WWOX: variants seen among roughly 807,000 people sequenced by gnomAD.
WWOX encodes the protein WW domain-containing oxidoreductase.
In WWOX, 69 loss-of-function variants were observed where a neutral mutation model predicts 46.2. The ratio of observed to expected loss-of-function variants is 1.49; its 90% CI spans 1.23 to 1.82. The LOEUF is 1.82. Among genes scored for constraint, WWOX ranks in the 40% most tolerant of loss-of-function variants. The probability of loss-of-function intolerance (pLI) is 0.00; values close to 1 mark genes in which losing one functional copy is unlikely to be tolerated. For missense variants in WWOX, 919 were observed against 542.6 expected (o/e 1.69, Z -6.89); for synonymous variants, 359 against 202.6 (o/e 1.77, Z -6.56).
At chr16:78,990,915 G>C (rs1273717727) in intron 8 of WWOX, among the ~76,000 whole-genome samples, 1 of 152,232 alleles carries the variant, frequency 6.6e-6, no homozygotes, top group Non-Finnish European at 1.5e-5. Context: ...TCCCTTAAGA[G>C]AGAGGTGTCA....
At chr16:78,596,672 A>G (rs1046304333) in intron 8 of WWOX, among the ~76,000 whole-genome samples, 1 of 152,168 alleles carries the variant, frequency 6.6e-6, no homozygotes. Context: ...GTGTCATTGG[A>G]AGCCAGCAGG....
intron 8 of WWOX, among the ~76,000 whole-genome samples, chr16:79,154,065 C>G (rs755256673): frequency 6.6e-6 from 1 of 152,180 alleles, no homozygotes; most frequent in Non-Finnish European, 1.5e-5. Context: ...CCTTTGGCCT[C>G]CATTCTAACA....
chr16:79,191,716 C>A (rs955458746), intron 8 of WWOX, among the ~76,000 whole-genome samples: 13 of 152,194 alleles, frequency 8.5e-5, no homozygotes, highest in African/African-American at 3.1e-4. Flanking sequence ...CTACCCCAAC[C>A]TGGCAAATGT....
At chr16:78,434,568 C>T (rs762981120) in intron 8 of WWOX, among the ~76,000 whole-genome samples, 2 of 152,158 alleles carry the variant, frequency 1.3e-5, no homozygotes, top group South Asian at 2.1e-4. Context: ...CAGTGCCTTC[C>T]GCTTTAACAA....
chr16:79,119,435 T>C (rs1200740105), intron 8 of WWOX, among the ~76,000 whole-genome samples: 11 of 152,216 alleles, frequency 7.2e-5, no homozygotes, highest in Admixed American at 2.0e-4. Flanking sequence ...AGAGATTGTG[T>C]CCTCCCTCAA....
At chr16:79,126,753 C>T (rs771333274) in intron 8 of WWOX, among the ~76,000 whole-genome samples, 1 of 152,148 alleles carries the variant, frequency 6.6e-6, no homozygotes, top group African/African-American at 2.4e-5. Flanking sequence ...GAAGGTTAGA[C>T]TAAGAAATTT....
intron 8 of WWOX, among the ~76,000 whole-genome samples, chr16:78,886,840 G>C (rs2044468945): frequency 6.6e-6 from 1 of 152,086 alleles, no homozygotes; most frequent in South Asian, 2.1e-4. Context: ...TTCCTTCTTG[G>C]AAAGCTTTGT....
chr16:78,984,591 G>A (rs140043409), intron 8 of WWOX, among the ~76,000 whole-genome samples: 1 of 152,322 alleles, frequency 6.6e-6, no homozygotes, highest in Non-Finnish European at 1.5e-5. Context: ...TTTGTTCGGA[G>A]AGATACTGAC....
chr16:79,029,388 C>A (rs569039518), intron 8 of WWOX, among the ~76,000 whole-genome samples: 3 of 152,164 alleles, frequency 2.0e-5, no homozygotes, highest in African/African-American at 7.2e-5. Flanking sequence ...ACAGTAAACC[C>A]ATCATGTCCA....
At chr16:78,879,420 A>G (rs1208316284) in intron 8 of WWOX, among the ~76,000 whole-genome samples, 1 of 152,180 alleles carries the variant, frequency 6.6e-6, no homozygotes, top group African/African-American at 2.4e-5. Context: ...CCATAAGGGC[A>G]AAATCCACAT....
chr16:78,310,547 C>T (rs1005265785), intron 5 of WWOX, among the ~76,000 whole-genome samples: 1 of 152,196 alleles, frequency 6.6e-6, no homozygotes, highest in Non-Finnish European at 1.5e-5. Flanking sequence ...TACAGTAAGA[C>T]TTAGTGGTCA....
rs376709568 is a variant in WWOX, at chr16:78,425,050, C to T, written c.786C>T (p.Ser262=). ...GTGTCATTGTGGTCTCCTCAGAGTC[C>T]CATCGGTGGGTTTGAATTGCATATT... ...PARVIVVSSE[S]HRFTDINDSL... is the part of the protein sequence containing the mutation. Residue 262 remains serine, a synonymous_variant, in exon 7 of 9, where the codon TCC becomes TCT. Coordinates refer to ENST00000566780, the MANE Select transcript of WWOX (RefSeq NM_016373.4). 35 of 1,613,632 alleles carry T rather than the reference C, an allele frequency of 2.2e-5. No homozygotes were observed. The African/African-American group carries it at 3.9e-4, about 18-fold the overall frequency.
chr16:78,917,094 C>G (rs536235061), intron 8 of WWOX, among the ~76,000 whole-genome samples: 3 of 152,156 alleles, frequency 2.0e-5, no homozygotes, highest in Non-Finnish European at 4.4e-5. Context: ...AGGAGAAGAC[C>G]AGACTTGCTC....
chr16:78,825,913 C>G (rs1253261362), intron 8 of WWOX: 1 of 719,078 alleles, frequency 1.4e-6, no homozygotes, highest in African/African-American at 1.7e-5. Context: ...TCATGGAACC[C>G]AAAGATGAGG....
chr16:78,731,545 C>A (rs562641424), intron 8 of WWOX, among the ~76,000 whole-genome samples: 2 of 152,278 alleles, frequency 1.3e-5, no homozygotes, highest in African/African-American at 4.8e-5. Flanking sequence ...TCTTATCTAT[C>A]CCTTTCTTAC....
At chr16:78,873,833 A>T (rs887745796) in intron 8 of WWOX, among the ~76,000 whole-genome samples, 1 of 151,808 alleles carries the variant, frequency 6.6e-6, no homozygotes, top group Admixed American at 6.6e-5. Context: ...TTGGAAGGCT[A>T]TGTTTTTTTG....
At chr16:78,694,182 C>T (rs1304196839) in intron 8 of WWOX, among the ~76,000 whole-genome samples, 6 of 152,110 alleles carry the variant, frequency 3.9e-5, no homozygotes, top group Non-Finnish European at 7.4e-5. Flanking sequence ...TACTTCATTC[C>T]AGCCTGGGCA....
chr16:79,152,177 C>G (rs1262503891), intron 8 of WWOX, among the ~76,000 whole-genome samples: 1 of 152,168 alleles, frequency 6.6e-6, no homozygotes, highest in Non-Finnish European at 1.5e-5. Flanking sequence ...TTGCTTGCAT[C>G]CCTCCCCCAC....
At chr16:78,546,003 A>T (rs556769279) in intron 8 of WWOX, among the ~76,000 whole-genome samples, 3 of 152,198 alleles carry the variant, frequency 2.0e-5, no homozygotes, top group African/African-American at 7.2e-5. Context: ...TCAGGATATA[A>T]ATTTGAGGGG....
Sources: gnomAD v4.1 joint callset for allele counts (sites outside exome capture counted in the v4.1 genomes callset) on GRCh38, gnomAD v4.1.1 for gene constraint, MANE v1.5 for transcripts, NCBI Gene and HGNC (gene_info 2026-07-23, HGNC 2026-07-21) for gene names.